The following ZSCAN20 variants were observed in gnomAD, a reference collection of about 807,000 sequenced individuals.
The protein encoded by ZSCAN20 is zinc finger and SCAN domain-containing protein 20.
Under a neutral mutation model 97.1 loss-of-function variants are expected in ZSCAN20, and 39 were observed. That is an observed-to-expected ratio of 0.40 (90% CI 0.31 to 0.52). The LOEUF (loss-of-function observed/expected upper bound fraction) is 0.52, where lower values mean the gene tolerates loss of function less well. ZSCAN20 is among the 20% of genes least tolerant of loss of function. The pLI is 0.49. For missense variants in ZSCAN20, 1,115 were observed against 1,290.4 expected (o/e 0.86, Z 2.08); for synonymous variants, 456 against 467.3 (o/e 0.98, Z 0.31).
rs1652971623 is a variant in ZSCAN20 at position 33,499,027 on chromosome 1, G to A, written c.*3551G>A. Among the ~76,000 whole-genome samples, 1 of 152,236 alleles carries A rather than the reference G, an allele frequency of 6.6e-6. No homozygotes were observed. The highest frequency in any genetic ancestry group is 2.4e-5 in the African/African-American group (1 of 41,460). On this transcript the variant is annotated 3_prime_UTR_variant, in exon 8 of 8. Transcript: ENST00000684572. ...ACTGTAGCCTCCTCCCAGAAGCCGA[G>A]TAAAGCAGCTAGGGTCCCTCCATGC...
chr1:33,476,658 C>G (rs1354410090), intron 1 of ZSCAN20, among the ~76,000 whole-genome samples: 1 of 152,144 alleles, frequency 6.6e-6, no homozygotes, highest in Non-Finnish European at 1.5e-5. Context: ...ATGAATTGCT[C>G]CTTGTGTGAG....
chr1:33,493,404 C>T lies in ZSCAN20; in HGVS notation c.1662C>T (p.His554=), dbSNP rs749932741. 1.9e-6 allele frequency: 3 copies of T among 1,614,202 alleles called. No homozygotes were observed. The highest frequency in any genetic ancestry group is 3.3e-5 in the Admixed American group (2 of 60,028). ...LRSYRKAKSS[H]PPGTCPFYEE... Reference sequence around the variant, plus strand: ...GCTACCGGAAAGCCAAGAGCAGCCACCCACCAGGGACATGCCCTTTCTATG... The same window carrying T: ...GCTACCGGAAAGCCAAGAGCAGCCATCCACCAGGGACATGCCCTTTCTATG... The change falls in exon 7 of 8, where the codon CAC becomes CAT. Residue 554 remains histidine (H), a synonymous_variant. Transcript: ENST00000684572. The surrounding 1 kb of genome is among the most constrained non-coding windows in gnomAD (Gnocchi z 4.3).
rs187338272 is a variant in ZSCAN20, at chr1:33,481,123, G to A, written c.417+1418G>A. On this transcript the variant is annotated intron_variant, in intron 2 of 7. Transcript: ENST00000684572. ...TACAAACTGATTGAAGATACAGGGA[G>A]ACTAATATATAAAGTTACAGAACTA... Among the ~76,000 whole-genome samples, 11 of 152,284 alleles carry A rather than the reference G, an allele frequency of 7.2e-5. No homozygotes were observed. In the East Asian group the frequency reaches 2.1e-3, roughly 29 times the overall value.
At chr1:33,476,685 GTTTGAAC>G (rs1203483632) in intron 1 of ZSCAN20, among the ~76,000 whole-genome samples, 1 of 152,190 alleles carries the variant, frequency 6.6e-6, no homozygotes, top group Non-Finnish European at 1.5e-5. Flanking sequence ...ACAGAAATGT[GTTTGAAC>G]TCATGCATCA....
chr1:33,494,935 G>A lies in ZSCAN20; in HGVS notation c.2591G>A (p.Gly864Glu). The A allele has an allele frequency of 6.2e-7, 1 of 1,614,152 alleles. No homozygotes were observed. The highest frequency in any genetic ancestry group is 8.5e-7 in the Non-Finnish European group (1 of 1,180,040). ...QSISKDLNSPGPHSTNSGEKL... is the reference protein window; with the variant it reads ...QSISKDLNSPEPHSTNSGEKL... ...ATCAGTAAGGACTTGAATTCTCCTG[G>A]ACCACACAGCACAAACTCAGGGGAG... The change falls in exon 8 of 8, where the codon GGA becomes GAA. Residue 864 changes from glycine (G) to glutamate (E), a missense_variant. By Grantham distance (98) the Gly-to-Glu change is moderately conservative (BLOSUM62 -2). Coordinates refer to ENST00000684572, the MANE Select transcript of ZSCAN20 (RefSeq NM_001377376.1).
Position 33,495,509 on chromosome 1 carries a change from A to T in ZSCAN20, c.*33A>T. 1 of 1,489,666 alleles carries T rather than the reference A, an allele frequency of 6.7e-7. No homozygotes were observed. The highest frequency in any genetic ancestry group is 8.9e-7 in the Non-Finnish European group (1 of 1,117,752). 92.3% of individuals were successfully genotyped at this position (1,489,666 alleles called of 1,614,324 possible). Reference sequence around the variant, plus strand: ...TTTCCTCAACAACAAAGGAGGACTCAATGTATATATCTTATATCATAAGAT... The same window carrying T: ...TTTCCTCAACAACAAAGGAGGACTCTATGTATATATCTTATATCATAAGAT... On this transcript the variant is annotated 3_prime_UTR_variant, in exon 8 of 8. Coordinates refer to ENST00000684572, the MANE Select transcript of ZSCAN20 (RefSeq NM_001377376.1).
intron 7 of ZSCAN20, 142 bp from the exon 8 acceptor site, chr1:33,494,076 C>A: frequency 1.3e-6 from 1 of 771,254 alleles, no homozygotes; most frequent in Non-Finnish European, 2.0e-6. Context: ...TTGTTAGTCA[C>A]ATTTATAAGA....
chr1:33,472,648 C>G lies in ZSCAN20; in HGVS notation c.-154C>G. ...CGCGTCCCAGCATTCCCCGCACGAG[C>G]CCGGGAGCACTTCCGCCCTGTTGTG... On this transcript the variant is annotated 5_prime_UTR_variant, in exon 1 of 8. Transcript: ENST00000684572. 6.6e-6 allele frequency: 1 copy of G among 151,638 alleles called. No individual in the cohort carries two copies. The highest frequency in any genetic ancestry group is 2.0e-4 in the East Asian group (1 of 5,118). The allele number at this position is 151,638 out of a possible 1,614,324, so 9.4% of individuals were successfully genotyped here. A position where few individuals can be genotyped will look rare whatever the true frequency, so the allele number is the denominator to read the frequency against.
At chr1:33,487,674 A>G (rs1302375672) in intron 2 of ZSCAN20, among the ~76,000 whole-genome samples, 1 of 151,998 alleles carries the variant, frequency 6.6e-6, no homozygotes, top group African/African-American at 2.4e-5. Flanking sequence ...ACAAGTTCTC[A>G]CTCCATTGTC....
Position 33,485,045 on chromosome 1 carries a change from G to A in ZSCAN20, c.418-3420G>A, listed in dbSNP as rs547163817. On this transcript the variant is annotated intron_variant, in intron 2 of 7. Coordinates refer to ENST00000684572, the MANE Select transcript of ZSCAN20 (RefSeq NM_001377376.1). The stretch of plus-strand genomic sequence containing the variant: ...GACTAAATAAGGAAATATTCCCTCT[G>A]CTTCTATCTTCTGGAAGAGATAGTA... Among the ~76,000 whole-genome samples the A allele has an allele frequency of 5.8e-4, 89 of 152,256 alleles. No homozygotes were observed. The South Asian group carries it at 0.014, about 24-fold the overall frequency.
intron 2 of ZSCAN20, among the ~76,000 whole-genome samples, chr1:33,482,068 G>A (rs1652176414): frequency 6.6e-6 from 1 of 152,104 alleles, no homozygotes; most frequent in Non-Finnish European, 1.5e-5. Flanking sequence ...AGCAGTTTAT[G>A]TTAGGGCTCT....
chr1:33,474,950 A>C (rs965506933), intron 1 of ZSCAN20, among the ~76,000 whole-genome samples: 1 of 152,114 alleles, frequency 6.6e-6, no homozygotes, highest in Non-Finnish European at 1.5e-5. Flanking sequence ...TGGGGAACCT[A>C]GGGCAACTGC....
chr1:33,493,912 G>A lies in ZSCAN20; in HGVS notation c.1873+297G>A, dbSNP rs1243039346. ...AGAAGAAGGAGGTGTTCATGATTGA[G>A]TACTAAGATAGAGGAGTTTGATGGG... On this transcript the variant is annotated intron_variant, in intron 7 of 7. Coordinates refer to ENST00000684572, the MANE Select transcript of ZSCAN20 (RefSeq NM_001377376.1). This position sits in a 1 kb window ranked among gnomAD's most constrained non-coding sequence, Gnocchi z 4.3. 1.3e-5 allele frequency among the ~76,000 whole-genome samples: 2 copies of A among 152,192 alleles called. No homozygotes were observed. The highest frequency in any genetic ancestry group is 4.8e-5 in the African/African-American group (2 of 41,446).
Position 33,495,328 on chromosome 1 carries a change from G to C in ZSCAN20, c.2984G>C (p.Cys995Ser). Residue 995 changes from cysteine to serine, a missense_variant, in exon 8 of 8, where the codon TGC (cysteine) becomes TCC (serine). Around this residue, in one of 3 missense-constraint regions of ZSCAN20, gnomAD observed 554 missense variants for 584.9 expected, o/e 0.95. Coordinates refer to ENST00000684572, the MANE Select transcript of ZSCAN20 (RefSeq NM_001377376.1). ...TATAAGTGCAGAGAGTGTGGGAAAT[G>C]CTTTAACCAGAGCTCCAGTCTTATT... ...KPYKCRECGK[C>S]FNQSSSLIIH... 6.2e-7 allele frequency: 1 copy of C among 1,613,512 alleles called. No individual in the cohort carries two copies. Among genetic ancestry groups the C allele is most frequent in the South Asian group, 1.1e-5 (1 of 91,002 alleles).
Position 33,488,571 on chromosome 1 carries a change from A to G in ZSCAN20, c.524A>G (p.Lys175Arg), listed in dbSNP as rs1467808175. 6.2e-7 allele frequency: 1 copy of G among 1,613,404 alleles called. No homozygotes were observed. Residue 175 changes from lysine to arginine, a missense_variant, in exon 3 of 8, where the codon AAG becomes AGG. This residue lies in a region of ZSCAN20 where 508 missense variants were observed against 611.2 expected (regional missense o/e 0.83). Coordinates refer to ENST00000684572, the MANE Select transcript of ZSCAN20 (RefSeq NM_001377376.1). Reference sequence around the variant, plus strand: ...CCCTGGCCTGAGGGACAGTCCCAGAAGAAGGGGGTGAAGAATACATGCCCT... The same window carrying G: ...CCCTGGCCTGAGGGACAGTCCCAGAGGAAGGGGGTGAAGAATACATGCCCT... The part of the protein sequence containing the change: ...VDPWPEGQSQ[K>R]KGVKNTCPDL...
Position 33,495,034 on chromosome 1 carries a change from A to G in ZSCAN20, c.2690A>G (p.His897Arg). ...SSALISHQRI[H>R]TGEKPYECAE... ...GCCCTCATTAGTCACCAAAGAATCC[A>G]TACGGGAGAGAAACCATATGAATGT... is the stretch of plus-strand genomic sequence containing the variant. Residue 897 changes from histidine (H) to arginine (R), a missense_variant, in exon 8 of 8, where the codon CAT (histidine) becomes CGT (arginine). Physicochemically the swap from His to Arg is conservative, Grantham distance 29 (BLOSUM62 0). Around this residue, in one of 3 missense-constraint regions of ZSCAN20, gnomAD observed 554 missense variants for 584.9 expected, o/e 0.95. Transcript: ENST00000684572. 3.1e-6 allele frequency: 5 copies of G among 1,613,858 alleles called. No homozygotes were observed. Among genetic ancestry groups the G allele is most frequent in the Non-Finnish European group, 4.2e-6 (5 of 1,179,800 alleles).
At chr1:33,485,601 A>G (rs1652333934) in intron 2 of ZSCAN20, among the ~76,000 whole-genome samples, 1 of 150,756 alleles carries the variant, frequency 6.6e-6, no homozygotes, top group Non-Finnish European at 1.5e-5. Flanking sequence ...TTTTGTTGAG[A>G]TGGGATTTCA....
Position 33,499,613 on chromosome 1 carries a change from A to G in ZSCAN20, c.*4137A>G, listed in dbSNP as rs187329390. On this transcript the variant is annotated 3_prime_UTR_variant, in exon 8 of 8. Coordinates refer to ENST00000684572, the MANE Select transcript of ZSCAN20 (RefSeq NM_001377376.1). The stretch of plus-strand genomic sequence containing the variant: ...TGCACGTGCCTGGAGAGACCTGCCC[A>G]TTGGACTCATCTTGGACTCAGTTCT... Among the ~76,000 whole-genome samples the G allele has an allele frequency of 1.4e-4, 22 of 152,148 alleles. No homozygotes were observed. In the East Asian group the frequency reaches 4.3e-3, roughly 29 times the overall value.
Position 33,491,053 on chromosome 1 carries a change from C to A in ZSCAN20, c.795C>A (p.Thr265=). The A allele has an allele frequency of 6.2e-7, 1 of 1,607,732 alleles. No individual in the cohort carries two copies. The highest frequency in any genetic ancestry group is 8.5e-7 in the Non-Finnish European group (1 of 1,177,968). ...TTCCAGTTTCAAAACCAAGTAATAC[C>A]TCCGAGAAAGAGCAAGGACCAGAGT... ...LGVPVSKPSN[T]SEKEQGPEFW... is the part of the protein sequence containing the mutation. The change falls in exon 6 of 8, where the codon ACC becomes ACA. Residue 265 remains threonine, a synonymous_variant. Transcript: ENST00000684572. This position sits in a 1 kb window ranked among gnomAD's most constrained non-coding sequence, Gnocchi z 4.3.
Sources: allele counts gnomAD v4.1 joint callset (sites outside exome capture counted in the v4.1 genomes callset), GRCh38; gene constraint gnomAD v4.1.1; regional missense constraint gnomAD v4.1.1; non-coding constraint Gnocchi (gnomAD v3.1); transcripts MANE v1.5; gene names NCBI Gene and HGNC (gene_info 2026-07-23, HGNC 2026-07-21).